TLK1: variants seen among roughly 807,000 people sequenced by gnomAD.
The protein encoded by TLK1 is tousled like kinase 1, also known as serine/threonine-protein kinase tousled-like 1.
A neutral mutation model predicts 105.3 loss-of-function variants in TLK1; 24 were observed. The observed-to-expected ratio is 0.23, with a 90% CI of 0.17 to 0.32. The LOEUF (loss-of-function observed/expected upper bound fraction) is 0.32, where lower values mean the gene tolerates loss of function less well. Among genes scored for constraint, TLK1 ranks in the 10% least tolerant of loss-of-function variants. The probability of loss-of-function intolerance (pLI) is 1.00; values close to 1 mark genes in which losing one functional copy is unlikely to be tolerated. For missense variants in TLK1, 558 were observed against 910.5 expected (o/e 0.61, Z 4.98); for synonymous variants, 321 against 310.4 (o/e 1.03, Z -0.36).
chr2:171,064,794 T>C (rs79709396), intron 3 of TLK1, among the ~76,000 whole-genome samples: 1,870 of 152,328 alleles, frequency 0.012, 20 homozygotes, highest in Non-Finnish European at 0.018. Context: ...TTTGTAATCA[T>C]ACCAAAACCT....
At chr2:171,043,598 C>T (rs1686797150) in intron 11 of TLK1, among the ~76,000 whole-genome samples, 1 of 152,122 alleles carries the variant, frequency 6.6e-6, no homozygotes, top group Non-Finnish European at 1.5e-5. Context: ...AGATTATAAA[C>T]ATCACCCAAG....
intron 1 of TLK1, among the ~76,000 whole-genome samples, chr2:171,176,218 G>T (rs1408144993): frequency 6.6e-6 from 1 of 152,148 alleles, no homozygotes; most frequent in African/African-American, 2.4e-5. Context: ...GGGATCACAG[G>T]TGTGAGCCAC....
intron 1 of TLK1, among the ~76,000 whole-genome samples, chr2:171,123,030 C>A (rs551747022): frequency 6.9e-6 from 1 of 145,270 alleles, no homozygotes; most frequent in Non-Finnish European, 1.5e-5. Flanking sequence ...CAAGAGAAGA[C>A]CCTATATGAA....
At chr2:171,158,627 T>C (rs1165820667) in intron 1 of TLK1, among the ~76,000 whole-genome samples, 1 of 152,228 alleles carries the variant, frequency 6.6e-6, no homozygotes, top group Non-Finnish European at 1.5e-5. Context: ...AATGATGATA[T>C]AGCCTTAAAC....
At chr2:171,045,011 A>G (rs1575546818) in intron 11 of TLK1, among the ~76,000 whole-genome samples, 2 of 152,116 alleles carry the variant, frequency 1.3e-5, no homozygotes, top group Non-Finnish European at 2.9e-5. Context: ...CAGAATATAG[A>G]GACTAAAGGG....
intron 14 of TLK1, among the ~76,000 whole-genome samples, chr2:171,009,291 C>CTTTTTTTTTTTTTT (rs71008743): frequency 4.0e-5 from 3 of 74,842 alleles, no homozygotes; most frequent in African/African-American, 1.2e-4. Flanking sequence ...ATTTCTTTTC[C>CTTTTTTTTTTTTTT]TTTTTTTTTT....
At chr2:171,187,087 AAAGAAAAAG>A in intron 1 of TLK1, among the ~76,000 whole-genome samples, 1 of 149,288 alleles carries the variant, frequency 6.7e-6, no homozygotes, top group African/African-American at 2.5e-5. Context: ...AAAAAAAGAA[AAAGAAAAAG>A]AAAAAGAAAA....
intron 1 of TLK1, among the ~76,000 whole-genome samples, chr2:171,152,093 A>C (rs1692064912): frequency 1.3e-5 from 2 of 152,196 alleles, no homozygotes; most frequent in Non-Finnish European, 2.9e-5. Context: ...TCATGAAGTC[A>C]CACAACTTAT....
intron 12 of TLK1, among the ~76,000 whole-genome samples, chr2:171,028,025 T>C (rs1230485503): frequency 1.3e-5 from 2 of 152,044 alleles, no homozygotes; most frequent in African/African-American, 2.4e-5. Context: ...TAGCCAGATG[T>C]GGTGGCGCAT....
rs185627498 is a variant in TLK1 at position 171,094,664 on chromosome 2, A to G, written c.259-11812T>C. On this transcript the variant is annotated intron_variant, in intron 2 of 20. Transcript: ENST00000431350. ...GCTCTTGTTGCCCAGGCTGGAGTGC[A>G]ATGGCGTGATCTCGGCTCACTGCAA... Among the ~76,000 whole-genome samples, 53 of 152,176 alleles carry G rather than the reference A, an allele frequency of 3.5e-4. 1 individual carries two copies. The East Asian group carries it at 7.3e-3, about 21-fold the overall frequency.
chr2:170,994,738 T>G (rs1559329374), intron 20 of TLK1: 1 of 516,248 alleles, frequency 1.9e-6, no homozygotes, highest in Admixed American at 1.9e-5. Context: ...TCTTGACTTC[T>G]AAAACCATAG....
At chr2:171,133,615 G>C (rs1214101919) in intron 1 of TLK1, among the ~76,000 whole-genome samples, 1 of 151,768 alleles carries the variant, frequency 6.6e-6, no homozygotes, top group Non-Finnish European at 1.5e-5. Context: ...TATAAAATAA[G>C]CTTTTTTAAA....
At chr2:171,169,773 A>C (rs965431742) in intron 1 of TLK1, among the ~76,000 whole-genome samples, 2 of 152,222 alleles carry the variant, frequency 1.3e-5, no homozygotes, top group African/African-American at 4.8e-5. Context: ...GACCAAGAAA[A>C]AGAAGGATTA....
In TLK1 at chr2:171,066,797, T is replaced by C. The variant is rs561662947; in HGVS notation, c.331-5641A>G. On this transcript the variant is annotated intron_variant, in intron 3 of 20. Coordinates refer to ENST00000431350, the MANE Select transcript of TLK1 (RefSeq NM_012290.5). ...GCTTTATTTGTTAAACAGTATATAC[T>C]ATAAAATTAGAATAAAGTTGAACTT... is the stretch of plus-strand genomic sequence containing the variant. 24 of 1,542,752 alleles carry C rather than the reference T, an allele frequency of 1.6e-5. No individual in the cohort carries two copies. In the East Asian group the frequency reaches 4.7e-4, roughly 30 times the overall value.
chr2:171,058,010 G>T, intron 5 of TLK1, 141 bp downstream of exon 5: 1 of 701,924 alleles, frequency 1.4e-6, no homozygotes, highest in Non-Finnish European at 2.3e-6. Context: ...AATTTTCCTA[G>T]AAAGATATCA....
At chr2:171,192,088 G>T (rs1693165823) in intron 1 of TLK1, among the ~76,000 whole-genome samples, 1 of 152,124 alleles carries the variant, frequency 6.6e-6, no homozygotes, top group Non-Finnish European at 1.5e-5. Flanking sequence ...GAGTACAGTA[G>T]TGCAATCTTG....
At chr2:171,051,256 C>T (rs1558909773) in intron 8 of TLK1, among the ~76,000 whole-genome samples, 1 of 152,144 alleles carries the variant, frequency 6.6e-6, no homozygotes, top group Non-Finnish European at 1.5e-5. Context: ...CATGACTTAA[C>T]ATAAAGCTAC....
At chr2:171,166,276 T>C (rs1692607892) in intron 1 of TLK1, among the ~76,000 whole-genome samples, 1 of 152,252 alleles carries the variant, frequency 6.6e-6, no homozygotes, top group African/African-American at 2.4e-5. Flanking sequence ...TTCTCTGTAA[T>C]GGTTACAGTT....
At chr2:171,092,237 A>G (rs762335103) in intron 2 of TLK1, among the ~76,000 whole-genome samples, 2 of 152,078 alleles carry the variant, frequency 1.3e-5, no homozygotes, top group Non-Finnish European at 2.9e-5. Flanking sequence ...TCTGCCAAAG[A>G]AAAAAAATCC....
Sources: gnomAD v4.1 joint callset for allele counts (sites outside exome capture counted in the v4.1 genomes callset) on GRCh38, gnomAD v4.1.1 for gene constraint, MANE v1.5 for transcripts, NCBI Gene and HGNC (gene_info 2026-07-23, HGNC 2026-07-21) for gene names.